Variants in PHACTR3 observed in about 807,000 individuals in gnomAD.
PHACTR3 encodes the protein protein phosphatase 1, regulatory subunit 123.
Under a neutral mutation model 66.8 loss-of-function variants are expected in PHACTR3, and 16 were observed. That is an observed-to-expected ratio of 0.24 (90% CI 0.16 to 0.36). The LOEUF is 0.36. Among genes scored for constraint, PHACTR3 ranks in the 10% least tolerant of loss-of-function variants. The pLI, the probability that PHACTR3 is intolerant of heterozygous loss-of-function variation, is 1.00. For synonymous variants in PHACTR3, 323 were observed against 292.1 expected (o/e 1.11, Z -1.08); for missense variants, 647 against 719.9 (o/e 0.90, Z 1.16).
intron 7 of PHACTR3, among the ~76,000 whole-genome samples, chr20:59,777,653 A>G (rs1392476112): frequency 6.6e-6 from 1 of 152,094 alleles, no homozygotes. Context: ...AATTCTTGTC[A>G]TTCTCTATTC....
At chr20:59,614,965 G>T (rs969446859) in intron 1 of PHACTR3, among the ~76,000 whole-genome samples, 3 of 152,102 alleles carry the variant, frequency 2.0e-5, no homozygotes, top group South Asian at 4.1e-4. Flanking sequence ...TTTGTGCAAA[G>T]CTTCTGAGAT....
At chr20:59,812,612 G>A (rs2147022744) in intron 8 of PHACTR3, among the ~76,000 whole-genome samples, 1 of 152,352 alleles carries the variant, frequency 6.6e-6, no homozygotes, top group South Asian at 2.1e-4. Context: ...ACCGTGCCTG[G>A]CCAGCCAGGG....
At chr20:59,656,487 T>A (rs1344658780) in intron 1 of PHACTR3, among the ~76,000 whole-genome samples, 1 of 151,972 alleles carries the variant, frequency 6.6e-6, no homozygotes, top group Non-Finnish European at 1.5e-5. Context: ...GCTGTTTGCA[T>A]GCTATATCTT....
chr20:59,677,095 C>T (rs1381341756), intron 1 of PHACTR3, among the ~76,000 whole-genome samples: 1 of 152,094 alleles, frequency 6.6e-6, no homozygotes, highest in Admixed American at 6.5e-5. Flanking sequence ...TACTTCTGGG[C>T]TAAAAATAAA....
chr20:59,610,429 T>C (rs923577939), intron 1 of PHACTR3, among the ~76,000 whole-genome samples: 1 of 152,244 alleles, frequency 6.6e-6, no homozygotes, highest in Non-Finnish European at 1.5e-5. Context: ...CTCACCTGCC[T>C]TCCTCATGGT....
chr20:59,771,299 G>T (rs1246119102), intron 5 of PHACTR3, among the ~76,000 whole-genome samples: 4 of 152,190 alleles, frequency 2.6e-5, no homozygotes, highest in Non-Finnish European at 1.5e-5. Context: ...CGTGTCACCT[G>T]CGTGTGCTCA....
intron 1 of PHACTR3, among the ~76,000 whole-genome samples, chr20:59,621,067 G>A (rs149601042): frequency 6.6e-6 from 1 of 152,334 alleles, no homozygotes; most frequent in African/African-American, 2.4e-5. Context: ...TGTGCCAGTG[G>A]AGTGCTCCCA....
At chr20:59,791,694 C>T (rs2041102747) in intron 7 of PHACTR3, among the ~76,000 whole-genome samples, 2 of 150,936 alleles carry the variant, frequency 1.3e-5, no homozygotes, top group East Asian at 2.0e-4. Flanking sequence ...CCCATTAACT[C>T]GTCATTTACA....
chr20:59,608,175 C>T (rs2033727629), intron 1 of PHACTR3, among the ~76,000 whole-genome samples: 1 of 152,180 alleles, frequency 6.6e-6, no homozygotes, highest in African/African-American at 2.4e-5. Context: ...TTGCAGTTCC[C>T]TGATTGCTAG....
chr20:59,809,385 C>T (rs1402315586), intron 8 of PHACTR3, among the ~76,000 whole-genome samples: 1 of 151,670 alleles, frequency 6.6e-6, no homozygotes, highest in African/African-American at 2.4e-5. Context: ...CTGCAAGTCT[C>T]AGTGATGGGA....
At chr20:59,588,740 C>T (rs1568918771) in intron 1 of PHACTR3, among the ~76,000 whole-genome samples, 1 of 152,188 alleles carries the variant, frequency 6.6e-6, no homozygotes, top group African/African-American at 2.4e-5. Context: ...GCCTCCATGC[C>T]TGGCACAGGC....
At chr20:59,620,797 G>A (rs540434596) in intron 1 of PHACTR3, among the ~76,000 whole-genome samples, 24 of 152,246 alleles carry the variant, frequency 1.6e-4, no homozygotes, top group East Asian at 7.7e-4. Flanking sequence ...GGGAATCCTC[G>A]CCTGCCAGTT....
intron 1 of PHACTR3, among the ~76,000 whole-genome samples, chr20:59,611,215 A>T (rs1031204696): frequency 1.3e-5 from 2 of 152,258 alleles, no homozygotes; most frequent in African/African-American, 4.8e-5. Flanking sequence ...AGAATGAGTG[A>T]GGATAACTGA....
chr20:59,772,424 G>T (rs910248428), intron 5 of PHACTR3, among the ~76,000 whole-genome samples: 1 of 152,222 alleles, frequency 6.6e-6, no homozygotes, highest in Admixed American at 6.5e-5. Flanking sequence ...TGGGCAGCGT[G>T]ATTCACTCCA....
At chr20:59,770,682 T>G (rs2146881900) in intron 5 of PHACTR3, among the ~76,000 whole-genome samples, 1 of 152,302 alleles carries the variant, frequency 6.6e-6, no homozygotes, top group East Asian at 1.9e-4. Context: ...ACCCTCTGAG[T>G]CACTACAGGC....
In PHACTR3 at chr20:59,738,732, C is replaced by T. The variant is rs993627610; in HGVS notation, c.119-4375C>T. Reference sequence around the variant, plus strand: ...CCTTCCTGACACTCCCTTCATCCTTCAGCTGTGTATGTGTGTTTCTGGTGA... The same window carrying T: ...CCTTCCTGACACTCCCTTCATCCTTTAGCTGTGTATGTGTGTTTCTGGTGA... On this transcript the variant is annotated intron_variant, in intron 1 of 12. Transcript: ENST00000371015. This position sits in a 1 kb window ranked among gnomAD's most constrained non-coding sequence, Gnocchi z 4.4. Among the ~76,000 whole-genome samples the T allele has an allele frequency of 6.6e-6, 1 of 152,260 alleles. No homozygotes were observed. Among genetic ancestry groups the T allele is most frequent in the Non-Finnish European group, 1.5e-5 (1 of 68,010 alleles).
chr20:59,773,154 T>C, intron 5 of PHACTR3, 125 bp from the exon 6 acceptor site: 1 of 1,084,650 alleles, frequency 9.2e-7, no homozygotes, highest in African/African-American at 1.6e-5. Flanking sequence ...CATCTTGGCA[T>C]TAGTTGGGGC....
intron 3 of PHACTR3, among the ~76,000 whole-genome samples, chr20:59,754,765 G>A (rs1228566924): frequency 2.6e-5 from 4 of 152,260 alleles, no homozygotes; most frequent in Admixed American, 1.3e-4. Context: ...CAGGAGGGAC[G>A]AGCAGGGATG....
intron 1 of PHACTR3, among the ~76,000 whole-genome samples, chr20:59,678,077 T>G (rs1357439695): frequency 6.6e-6 from 1 of 152,204 alleles, no homozygotes; most frequent in Non-Finnish European, 1.5e-5. Flanking sequence ...CCATACATTT[T>G]CTTCTGTTCC....
Sources: gnomAD v4.1 joint callset for allele counts (sites outside exome capture counted in the v4.1 genomes callset) on GRCh38, gnomAD v4.1.1 for gene constraint, Gnocchi (gnomAD v3.1) non-coding constraint, MANE v1.5 for transcripts, NCBI Gene and HGNC (gene_info 2026-07-23, HGNC 2026-07-21) for gene names.